The following SLC24A2 variants were observed in gnomAD, a reference collection of about 807,000 sequenced individuals.
SLC24A2 encodes solute carrier family 24 member 2, also known as sodium/potassium/calcium exchanger 2.
SLC24A2 carries 36 observed loss-of-function variants against 62.0 expected under a neutral mutation model. That is an observed-to-expected ratio of 0.58 (90% CI 0.44 to 0.77). The LOEUF (loss-of-function observed/expected upper bound fraction) is 0.77. SLC24A2 is among the 30% of genes least tolerant of loss of function. The pLI, the probability that SLC24A2 is intolerant of heterozygous loss-of-function variation, is 0.00. For missense variants in SLC24A2, 846 were observed against 817.9 expected (o/e 1.03, Z -0.42); for synonymous variants, 358 against 294.0 (o/e 1.22, Z -2.23).
intron 8 of SLC24A2, among the ~76,000 whole-genome samples, chr9:19,529,510 G>A (rs530877052): frequency 6.6e-6 from 1 of 152,172 alleles, no homozygotes; most frequent in African/African-American, 2.4e-5. Context: ...GTTTTGTGGG[G>A]CCGTTTGTTA....
chr9:19,633,130 T>C (rs1048284378), intron 2 of SLC24A2, among the ~76,000 whole-genome samples: 1 of 152,252 alleles, frequency 6.6e-6, no homozygotes, highest in Non-Finnish European at 1.5e-5. Context: ...ATTGTATGTA[T>C]CAACAATTTG....
chr9:19,646,577 T>G (rs1247355020), intron 2 of SLC24A2, among the ~76,000 whole-genome samples: 1 of 152,166 alleles, frequency 6.6e-6, no homozygotes, highest in Non-Finnish European at 1.5e-5. Context: ...GGGAATAGAT[T>G]GACAGACATA....
chr9:19,787,463 G>T (rs1823208859), intron 1 of SLC24A2, among the ~76,000 whole-genome samples: 1 of 152,114 alleles, frequency 6.6e-6, no homozygotes, highest in Non-Finnish European at 1.5e-5. Context: ...ATTATTCATT[G>T]TTTACTTTTG....
the SLC24A2 span, among the ~76,000 whole-genome samples, chr9:20,137,726 G>C: frequency 2.0e-5 from 3 of 152,076 alleles, no homozygotes; most frequent in Non-Finnish European, 4.4e-5. Flanking sequence ...GCTATTTTTA[G>C]AGCTACAAAC....
chr9:20,085,284 C>T, the SLC24A2 span, among the ~76,000 whole-genome samples: 2 of 152,306 alleles, frequency 1.3e-5, no homozygotes, highest in South Asian at 4.1e-4. Context: ...CAGGCATGAG[C>T]CACTGCAGCT....
intron 8 of SLC24A2, among the ~76,000 whole-genome samples, chr9:19,540,282 T>G (rs903893708): frequency 2.8e-4 from 40 of 142,742 alleles, no homozygotes; most frequent in Non-Finnish European, 5.8e-4. Flanking sequence ...CGTTAGTTGA[T>G]GCAGTTTCTT....
chr9:20,018,965 G>T, the SLC24A2 span, among the ~76,000 whole-genome samples: 3 of 151,878 alleles, frequency 2.0e-5, no homozygotes, highest in Non-Finnish European at 4.4e-5. Flanking sequence ...TCAGGAGGCT[G>T]AGGTAGGAGG....
At chr9:19,904,590 G>T in the SLC24A2 span, among the ~76,000 whole-genome samples, 2 of 152,176 alleles carry the variant, frequency 1.3e-5, no homozygotes, top group Non-Finnish European at 2.9e-5. Context: ...AATGATCGTT[G>T]CATTTGGGGG....
At chr9:20,297,950 C>T in the SLC24A2 span, among the ~76,000 whole-genome samples, 4 of 152,168 alleles carry the variant, frequency 2.6e-5, no homozygotes, top group Admixed American at 2.0e-4. Flanking sequence ...CACAATATTC[C>T]CTGATTTTAA....
At chr9:19,699,188 T>C (rs1488310855) in intron 2 of SLC24A2, among the ~76,000 whole-genome samples, 2 of 152,138 alleles carry the variant, frequency 1.3e-5, no homozygotes, top group African/African-American at 4.8e-5. Flanking sequence ...GAGTACTGTG[T>C]TAGCATATAA....
intron 7 of SLC24A2, among the ~76,000 whole-genome samples, chr9:19,551,541 C>T (rs541135090): frequency 1.8e-4 from 28 of 152,290 alleles, no homozygotes; most frequent in African/African-American, 6.0e-4. Flanking sequence ...CAGTGGACCA[C>T]GCATCAGATC....
chr9:20,209,703 T>C, the SLC24A2 span, among the ~76,000 whole-genome samples: 15,016 of 152,192 alleles, frequency 0.099, 996 homozygotes, highest in Non-Finnish European at 0.15. Flanking sequence ...CATGAAGTAA[T>C]CACAGACTTT....
In SLC24A2 at chr9:19,515,637, A is replaced by G. The variant is rs1489937521; in HGVS notation, c.*516T>C. On this transcript the variant is annotated 3_prime_UTR_variant, in exon 11 of 11. Transcript: ENST00000341998. ...ATGCCCCTCTTCAAATAAGTACTAT[A>G]AATATACTAGAGCTATCCCTGAAAA... The G allele has an allele frequency of 1.3e-5, 2 of 152,274 alleles. No individual in the cohort carries two copies. Among genetic ancestry groups the G allele is most frequent in the African/African-American group, 4.8e-5 (2 of 41,406 alleles). 9.4% of individuals were successfully genotyped at this position (152,274 alleles called of 1,614,324 possible).
chr9:20,154,448 G>A, the SLC24A2 span, among the ~76,000 whole-genome samples: 1 of 151,648 alleles, frequency 6.6e-6, no homozygotes, highest in Non-Finnish European at 1.5e-5. Context: ...ATGGCTAAAC[G>A]GTTTTCACTA....
At chr9:20,230,787 T>C in the SLC24A2 span, among the ~76,000 whole-genome samples, 3 of 152,202 alleles carry the variant, frequency 2.0e-5, no homozygotes, top group Non-Finnish European at 4.4e-5. Context: ...CTTTTGGTGT[T>C]TTAGACATGA....
the SLC24A2 span, among the ~76,000 whole-genome samples, chr9:20,279,062 C>G: frequency 6.6e-6 from 1 of 151,932 alleles, no homozygotes; most frequent in Non-Finnish European, 1.5e-5. Flanking sequence ...CTTATAAAAC[C>G]ATCAGATCTC....
intron 4 of SLC24A2, among the ~76,000 whole-genome samples, chr9:19,615,503 G>A (rs766575743): frequency 7.2e-5 from 11 of 152,176 alleles, no homozygotes; most frequent in Non-Finnish European, 1.6e-4. Context: ...GGCTGTTCTC[G>A]GAATGGAAAA....
the SLC24A2 span, among the ~76,000 whole-genome samples, chr9:20,119,360 A>G: frequency 6.6e-6 from 1 of 152,162 alleles, no homozygotes; most frequent in African/African-American, 2.4e-5. Context: ...GCCGATTATA[A>G]AATTTGAGTA....
At chr9:19,849,733 T>A in the SLC24A2 span, among the ~76,000 whole-genome samples, 3 of 152,198 alleles carry the variant, frequency 2.0e-5, no homozygotes, top group African/African-American at 7.2e-5. Context: ...GTCTCTGTCC[T>A]TCTAAGTCTG....
Sources: allele counts gnomAD v4.1 joint callset (sites outside exome capture counted in the v4.1 genomes callset), GRCh38; gene constraint gnomAD v4.1.1; transcripts MANE v1.5; gene names NCBI Gene and HGNC (gene_info 2026-07-23, HGNC 2026-07-21).